PLEKHG1: variants seen among roughly 807,000 people sequenced by gnomAD.
The protein encoded by PLEKHG1 is pleckstrin homology and RhoGEF domain containing G1, also known as pleckstrin homology domain-containing family G member 1.
PLEKHG1 carries 44 observed loss-of-function variants against 100.8 expected under a neutral mutation model. That is an observed-to-expected ratio of 0.44 (90% confidence interval 0.34 to 0.56). PLEKHG1 has a LOEUF of 0.56. PLEKHG1 is among the 20% of genes least tolerant of loss of function. PLEKHG1 has a pLI of 0.01. For synonymous variants in PLEKHG1, 640 were observed against 662.5 expected (o/e 0.97, Z 0.52); for missense variants, 1,545 against 1,720.9 (o/e 0.90, Z 1.81).
chr6:150,652,073 C>A (rs1582886838), intron 3 of PLEKHG1: 1 of 152,048 alleles, frequency 6.6e-6, no homozygotes. Flanking sequence ...ATTTTAAATC[C>A]TTTTCATTGG....
chr6:150,779,349 T>TTTTTTTTTGTTTG lies in PLEKHG1; in HGVS notation c.513-7033_513-7032insGTTTGTTTTTTTT, dbSNP rs1785175503. On this transcript the variant is annotated intron_variant, in intron 3 of 15. Transcript: ENST00000358517. ...GGGTTAAATATTGTCAAGAAGTTTT[T>TTTTTTTTTGTTTG]TTTTTTTTTTTTTTGAGACAGAGTC... is the stretch of plus-strand genomic sequence containing the variant. Among the ~76,000 whole-genome samples, 50 of 144,954 alleles carry TTTTTTTTTGTTTG rather than the reference T, an allele frequency of 3.4e-4. No homozygotes were observed. The South Asian group carries it at 9.7e-3, about 28-fold the overall frequency.
chr6:150,796,113 G>T (rs924654706), intron 5 of PLEKHG1, among the ~76,000 whole-genome samples: 1 of 152,112 alleles, frequency 6.6e-6, no homozygotes, highest in Non-Finnish European at 1.5e-5. Flanking sequence ...CCAGTGTGGG[G>T]AAAAATTGTA....
At chr6:150,623,766 T>C (rs1425823785) in intron 1 of PLEKHG1, among the ~76,000 whole-genome samples, 1 of 152,200 alleles carries the variant, frequency 6.6e-6, no homozygotes, top group African/African-American at 2.4e-5. Context: ...GTCATGTGCC[T>C]CTCTGAGCAT....
intron 2 of PLEKHG1, among the ~76,000 whole-genome samples, chr6:150,757,670 A>G (rs1216245775): frequency 6.6e-6 from 1 of 152,204 alleles, no homozygotes; most frequent in Non-Finnish European, 1.5e-5. Flanking sequence ...TCACCTAGCC[A>G]TAGTGATAGG....
At chr6:150,748,789 A>T (rs1562484672) in intron 2 of PLEKHG1, among the ~76,000 whole-genome samples, 3 of 151,190 alleles carry the variant, frequency 2.0e-5, no homozygotes, top group African/African-American at 7.3e-5. Flanking sequence ...TGCCCGGCTA[A>T]TTTTTTTTGT....
upstream of PLEKHG1, among the ~76,000 whole-genome samples, chr6:150,720,507 G>C (rs1014060193): frequency 1.3e-5 from 2 of 152,088 alleles, no homozygotes; most frequent in Admixed American, 1.3e-4. Context: ...TTAAATGTCA[G>C]CCTTAAATGT....
intron 3 of PLEKHG1, among the ~76,000 whole-genome samples, chr6:150,712,905 T>G (rs544279007): frequency 1.3e-5 from 2 of 152,342 alleles, no homozygotes; most frequent in Admixed American, 1.3e-4. Flanking sequence ...GAAGGACAGT[T>G]TGAAACTAAG....
upstream of PLEKHG1, among the ~76,000 whole-genome samples, chr6:150,717,283 G>A (rs1039469739): frequency 6.0e-4 from 90 of 150,868 alleles, no homozygotes; most frequent in African/African-American, 1.5e-3. Context: ...CAAGTAATCC[G>A]CCCACCTCAG....
At chr6:150,737,984 T>C (rs565238782) in intron 2 of PLEKHG1, among the ~76,000 whole-genome samples, 20 of 151,882 alleles carry the variant, frequency 1.3e-4, no homozygotes, top group African/African-American at 4.1e-4. Flanking sequence ...TTTTTTTTTT[T>C]TTTAATTTTT....
At chr6:150,651,370 A>C (rs979520423) in intron 3 of PLEKHG1, among the ~76,000 whole-genome samples, 25 of 152,016 alleles carry the variant, frequency 1.6e-4, no homozygotes, top group Admixed American at 1.4e-3. Flanking sequence ...AGTAGTTGGG[A>C]TAACAGGCAC....
chr6:150,804,825 A>G, intron 7 of PLEKHG1, 84 bp downstream of exon 8: 1 of 1,283,284 alleles, frequency 7.8e-7, no homozygotes, highest in Non-Finnish European at 1.1e-6. Context: ...AGGCTGCTCA[A>G]GTACTGCACT....
intron 1 of PLEKHG1, among the ~76,000 whole-genome samples, chr6:150,602,591 G>A (rs1251377315): frequency 6.6e-6 from 1 of 151,902 alleles, no homozygotes; most frequent in East Asian, 1.9e-4. Context: ...TTTCTTCTCC[G>A]CCCTTGTCTC....
chr6:150,721,433 G>C (rs1191630171), intron 1 of PLEKHG1, among the ~76,000 whole-genome samples: 13 of 152,114 alleles, frequency 8.5e-5, no homozygotes, highest in Non-Finnish European at 1.9e-4. Flanking sequence ...ACTGCAGCCT[G>C]TCTTCAATAG....
exon 16 of PLEKHG1, chr6:150,841,525 GA>G (rs1455355929): frequency 1.3e-5 from 2 of 155,660 alleles, no homozygotes; most frequent in Non-Finnish European, 2.8e-5. Flanking sequence ...TCTGTACGCA[GA>G]ACCCTTTACC....
At chr6:150,746,071 G>C (rs993659076) in intron 2 of PLEKHG1, among the ~76,000 whole-genome samples, 6 of 152,172 alleles carry the variant, frequency 3.9e-5, no homozygotes, top group Non-Finnish European at 8.8e-5. Flanking sequence ...CCTGCCACGG[G>C]CTGGGAGTTG....
exon 8 of PLEKHG1, chr6:150,809,146 G>C: frequency 1.2e-6 from 2 of 1,614,150 alleles, no homozygotes; most frequent in Non-Finnish European, 1.7e-6. Context: ...GGCCAGACCT[G>C]ACCAGCTACG....
At position 150,809,684 on chromosome 6, in the gene PLEKHG1, C is replaced by T. The variant is rs1173400498; in HGVS notation, c.1228C>T (p.His410Tyr). The change falls in exon 10 of 16, where the codon CAC becomes TAC. Residue 410 changes from histidine to tyrosine, a missense_variant. Physicochemically the swap from His to Tyr is moderately conservative, Grantham distance 83. Transcript: ENST00000358517. ...GCAAGACAAACGCCTCTGGGTTCTG[C>T]ACCTAAAGAGACTGATTCTGGAGAA... 3 of 1,613,910 alleles carry T rather than the reference C, an allele frequency of 1.9e-6. No homozygotes were observed. The African/African-American group carries it at 4.0e-5, about 22-fold the overall frequency.
At chr6:150,824,626 A>T (rs932912316) in intron 14 of PLEKHG1, among the ~76,000 whole-genome samples, 1 of 151,480 alleles carries the variant, frequency 6.6e-6, no homozygotes, top group East Asian at 1.9e-4. Flanking sequence ...GGTTCAAGCA[A>T]TTCTCCTGCC....
At chr6:150,618,946 T>C (rs1277917829) in intron 1 of PLEKHG1, among the ~76,000 whole-genome samples, 1 of 152,100 alleles carries the variant, frequency 6.6e-6, no homozygotes, top group Non-Finnish European at 1.5e-5. Context: ...TATTTGGGCA[T>C]GGTGGCAGTA....
Sources: allele counts gnomAD v4.1 joint callset (sites outside exome capture counted in the v4.1 genomes callset), GRCh38; gene constraint gnomAD v4.1.1; transcripts MANE v1.5; gene names NCBI Gene and HGNC (gene_info 2026-07-23, HGNC 2026-07-21).